Variants in ASAP1 observed in about 807,000 individuals in gnomAD.
The protein encoded by ASAP1 is arf-GAP with SH3 domain, ANK repeat and PH domain-containing protein 1.
A neutral mutation model predicts 145.2 loss-of-function variants in ASAP1; 43 were observed. The observed-to-expected ratio is 0.30, with a 90% confidence interval of 0.23 to 0.38. The LOEUF (loss-of-function observed/expected upper bound fraction) is 0.38. ASAP1 is among the 10% of genes least tolerant of loss of function. The pLI, the probability that ASAP1 is intolerant of heterozygous loss-of-function variation, is 1.00. For synonymous variants in ASAP1, 546 were observed against 515.5 expected, an observed-to-expected ratio of 1.06 and a Z score of -0.80; for missense variants, 1,018 against 1,355.3, an observed-to-expected ratio of 0.75 and a Z score of 3.91.
intron 3 of ASAP1, among the ~76,000 whole-genome samples, chr8:130,244,114 A>G (rs1176250341): frequency 6.6e-6 from 1 of 152,174 alleles, no homozygotes; most frequent in Admixed American, 6.5e-5. Context: ...CCCTGTTGTA[A>G]TCTTCAGATC....
chr8:130,393,576 T>A (rs575359348), intron 2 of ASAP1, among the ~76,000 whole-genome samples: 14 of 152,198 alleles, frequency 9.2e-5, no homozygotes, highest in African/African-American at 3.4e-4. Flanking sequence ...ACCAACATGG[T>A]GAAACCCCAT....
chr8:130,252,950 T>G (rs1050834168), intron 3 of ASAP1, among the ~76,000 whole-genome samples: 3 of 152,114 alleles, frequency 2.0e-5, no homozygotes, highest in Non-Finnish European at 4.4e-5. Context: ...AGACAACAGA[T>G]TGGAACAGTT....
At chr8:130,328,934 T>C (rs990516863) in intron 3 of ASAP1, among the ~76,000 whole-genome samples, 15 of 152,160 alleles carry the variant, frequency 9.9e-5, no homozygotes, top group African/African-American at 2.4e-5. Context: ...ATTTTTATGG[T>C]TGTTAAAAGT....
intron 12 of ASAP1, among the ~76,000 whole-genome samples, chr8:130,155,639 G>A (rs1304006504): frequency 1.3e-5 from 2 of 152,188 alleles, no homozygotes; most frequent in African/African-American, 4.8e-5. Flanking sequence ...GAGCCACTGC[G>A]CCCAGCCAGC....
intron 3 of ASAP1, among the ~76,000 whole-genome samples, chr8:130,329,048 G>A (rs1824519115): frequency 6.6e-6 from 1 of 152,166 alleles, no homozygotes; most frequent in Admixed American, 6.5e-5. Context: ...TGAAGCCTTT[G>A]TTCCCCAGAG....
At chr8:130,243,162 G>GT (rs1818643513) in intron 3 of ASAP1, among the ~76,000 whole-genome samples, 1 of 152,138 alleles carries the variant, frequency 6.6e-6, no homozygotes. Flanking sequence ...CCCTTTGCTA[G>GT]AAGAAATGGG....
intron 15 of ASAP1, among the ~76,000 whole-genome samples, chr8:130,131,804 A>G (rs1011380996): frequency 6.6e-6 from 1 of 152,130 alleles, no homozygotes; most frequent in Non-Finnish European, 1.5e-5. Flanking sequence ...TCTCAGAAAC[A>G]AAACAAAACT....
intron 3 of ASAP1, among the ~76,000 whole-genome samples, chr8:130,350,801 G>A (rs1825949985): frequency 6.6e-6 from 1 of 152,180 alleles, no homozygotes; most frequent in Admixed American, 6.5e-5. Flanking sequence ...AAAAACTCAG[G>A]GCTCTTGTAC....
intron 9 of ASAP1, among the ~76,000 whole-genome samples, chr8:130,173,488 T>C (rs1309802455): frequency 6.6e-6 from 1 of 152,144 alleles, no homozygotes; most frequent in Non-Finnish European, 1.5e-5. Context: ...CAAGGGCTAC[T>C]GCACACATGG....
Position 130,248,692 on chromosome 8 carries a change from C to T in ASAP1, c.187-11698G>A, listed in dbSNP as rs546042561. On this transcript the variant is annotated intron_variant, in intron 3 of 29. Transcript: ENST00000518721. ...AAGGGAGGAGACAAGCTGGGTATTA[C>T]ATCACAACACTTATCTGAAGTATTT... Among the ~76,000 whole-genome samples, 19 of 152,252 alleles carry T rather than the reference C, an allele frequency of 1.2e-4. No homozygotes were observed. In the East Asian group the frequency reaches 3.5e-3, roughly 28 times the overall value.
At chr8:130,339,248 C>T (rs781468917) in intron 3 of ASAP1, among the ~76,000 whole-genome samples, 19 of 152,170 alleles carry the variant, frequency 1.2e-4, no homozygotes, top group Admixed American at 2.6e-4. Context: ...TCTGGGCTAT[C>T]GTTTCTTCAC....
At chr8:130,073,813 C>T (rs2097455691) in intron 27 of ASAP1, among the ~76,000 whole-genome samples, 1 of 152,126 alleles carries the variant, frequency 6.6e-6, no homozygotes, top group Admixed American at 6.5e-5. Context: ...ATGGTGTACA[C>T]CTCGTGATAG....
In ASAP1 at chr8:130,112,253, G is replaced by T. The variant is rs1394159955; in HGVS notation, c.2242C>A (p.Gln748Lys). ...SFCHSSSISP[Q>K]DKLALPGFST... ...AATCCTGGCAGTGCCAGCTTGTCCTGGGGGGAGATGCTGGAGGAGTGGCAG... is the reference window on the plus strand; with the variant it reads ...AATCCTGGCAGTGCCAGCTTGTCCTTGGGGGAGATGCTGGAGGAGTGGCAG... The change falls in exon 24 of 30, where the codon CAG becomes AAG. Residue 748 changes from glutamine to lysine, a missense_variant. Physicochemically the swap from Gln to Lys is moderately conservative, Grantham distance 53. Transcript: ENST00000518721. The T allele has an allele frequency of 7.4e-6, 12 of 1,614,126 alleles. No individual in the cohort carries two copies. The highest frequency in any genetic ancestry group is 1.1e-5 in the South Asian group (1 of 91,078).
chr8:130,441,371 C>T (rs1199578978), intron 1 of ASAP1, among the ~76,000 whole-genome samples: 1 of 152,164 alleles, frequency 6.6e-6, no homozygotes, highest in Admixed American at 6.5e-5. Flanking sequence ...AATGGGGTGA[C>T]TGTTACTATT....
intron 27 of ASAP1, among the ~76,000 whole-genome samples, chr8:130,074,104 A>C (rs1026940516): frequency 5.3e-5 from 8 of 151,600 alleles, no homozygotes; most frequent in Admixed American, 1.3e-4. Flanking sequence ...TTATTCAAAC[A>C]AACAAGTTCT....
chr8:130,249,975 TC>T (rs1426749556), intron 3 of ASAP1, among the ~76,000 whole-genome samples: 1 of 152,156 alleles, frequency 6.6e-6, no homozygotes, highest in Non-Finnish European at 1.5e-5. Flanking sequence ...ACATTATTCT[TC>T]TCTCTTAGCA....
chr8:130,132,375 T>G, intron 15 of ASAP1, among the ~76,000 whole-genome samples: 1 of 151,580 alleles, frequency 6.6e-6, no homozygotes, highest in East Asian at 1.9e-4. Context: ...CACCTTTCAG[T>G]CTACCAACTC....
At chr8:130,231,843 C>T (rs2136618936) in intron 4 of ASAP1, among the ~76,000 whole-genome samples, 1 of 152,322 alleles carries the variant, frequency 6.6e-6, no homozygotes, top group Admixed American at 6.5e-5. Flanking sequence ...GCTCTTTTCT[C>T]AAGCCACACC....
chr8:130,176,751 C>T (rs1021285778), intron 9 of ASAP1, among the ~76,000 whole-genome samples: 2 of 151,000 alleles, frequency 1.3e-5, no homozygotes, highest in Non-Finnish European at 2.9e-5. Flanking sequence ...AGTGCAATGG[C>T]GTGATCTCGG....
Sources: gnomAD v4.1 joint callset for allele counts (sites outside exome capture counted in the v4.1 genomes callset) on GRCh38, gnomAD v4.1.1 for gene constraint, MANE v1.5 for transcripts, NCBI Gene and HGNC (gene_info 2026-07-23, HGNC 2026-07-21) for gene names.